TRPM8: variants seen among roughly 807,000 people sequenced by gnomAD.
TRPM8 encodes the protein transient receptor potential cation channel subfamily M member 8.
TRPM8 carries 110 observed loss-of-function variants against 133.7 expected under a neutral mutation model. The observed-to-expected ratio is 0.82, with a 90% confidence interval of 0.70 to 0.96. The LOEUF (loss-of-function observed/expected upper bound fraction) is 0.96, where lower values mean the gene tolerates loss of function less well. TRPM8 is among the 40% of genes least tolerant of loss of function. The probability of loss-of-function intolerance (pLI) is 0.00; values close to 1 mark genes in which losing one functional copy is unlikely to be tolerated. For synonymous variants in TRPM8, 535 were observed against 532.3 expected, an observed-to-expected ratio of 1.01 and a Z score of -0.07; for missense variants, 1,291 against 1,379.5, an observed-to-expected ratio of 0.94 and a Z score of 1.02.
At chr2:233,978,197 TAGTGTG>T (rs770917165) in intron 17 of TRPM8, among the ~76,000 whole-genome samples, 1 of 70,488 alleles carries the variant, frequency 1.4e-5, no homozygotes, top group Non-Finnish European at 2.9e-5. Flanking sequence ...TGGAATATTA[TAGTGTG>T]TGTGTGTGTG....
At chr2:233,985,172 C>T (rs535176104) in intron 20 of TRPM8, among the ~76,000 whole-genome samples, 18 of 152,310 alleles carry the variant, frequency 1.2e-4, no homozygotes, top group Non-Finnish European at 1.9e-4. Flanking sequence ...ACCCCCACCA[C>T]GGGGCCTTTG....
intron 5 of TRPM8, among the ~76,000 whole-genome samples, chr2:233,941,288 T>C (rs1433323863): frequency 6.6e-6 from 1 of 152,202 alleles, no homozygotes; most frequent in Non-Finnish European, 1.5e-5. Context: ...GCAAGGCAGG[T>C]GAAGTTTGGC....
chr2:233,973,431 C>G (rs532345493), intron 17 of TRPM8, among the ~76,000 whole-genome samples: 9 of 152,258 alleles, frequency 5.9e-5, no homozygotes, highest in African/African-American at 2.2e-4. Flanking sequence ...CTTGGCTTGT[C>G]GATGCATCCC....
At chr2:233,967,863 C>A (rs1177365125) in intron 15 of TRPM8, among the ~76,000 whole-genome samples, 1 of 152,062 alleles carries the variant, frequency 6.6e-6, no homozygotes, top group Non-Finnish European at 1.5e-5. Flanking sequence ...TTCCTGGGCC[C>A]CAAACCCTAT....
At position 234,019,296 on chromosome 2, in the gene TRPM8, C is replaced by T. The variant is rs1039037368; in HGVS notation, c.*2040C>T. The T allele has an allele frequency of 5.9e-5, 9 of 152,146 alleles. No individual in the cohort carries two copies. Among genetic ancestry groups the T allele is most frequent in the Admixed American group, 3.3e-4 (5 of 15,278 alleles). The allele number at this position is 152,146 out of a possible 1,614,324, so 9.4% of individuals were successfully genotyped here. A position where few individuals can be genotyped will look rare whatever the true frequency, so the allele number is the denominator to read the frequency against. On this transcript the variant is annotated 3_prime_UTR_variant, in exon 26 of 26. Transcript: ENST00000324695. Reference sequence around the variant, plus strand: ...AGAGGGAACTGTTAAATGTTTTCAACCCAGTTCATCTGGTGGATGTTTTTG... The same window carrying T: ...AGAGGGAACTGTTAAATGTTTTCAATCCAGTTCATCTGGTGGATGTTTTTG...
chr2:233,942,675 T>C lies in TRPM8; in HGVS notation c.626T>C (p.Ile209Thr). Residue 209 changes from isoleucine to threonine, a missense_variant, in exon 6 of 26, where the codon ATT becomes ACT. Physicochemically the swap from Ile to Thr is moderately conservative, Grantham distance 89. This residue lies in a region of TRPM8 where 963 missense variants were observed against 968.9 expected (regional missense o/e 0.99). Transcript: ENST00000324695. ...ATCAGCAGGAGTTCAGAGGAGAATA[T>C]TGTGGCCATTGGCATAGCAGCTTGG... ...NTISRSSEENIVAIGIAAWGM... is the reference protein window; with the variant it reads ...NTISRSSEENTVAIGIAAWGM... 1.2e-6 allele frequency: 2 copies of C among 1,614,178 alleles called. No individual in the cohort carries two copies. The highest frequency in any genetic ancestry group is 1.7e-6 in the Non-Finnish European group (2 of 1,180,024).
chr2:234,006,620 G>C (rs1278196244), intron 22 of TRPM8, among the ~76,000 whole-genome samples: 1 of 152,210 alleles, frequency 6.6e-6, no homozygotes, highest in Non-Finnish European at 1.5e-5. Context: ...TTAGAATAAA[G>C]ATTGCATTCC....
intron 5 of TRPM8, among the ~76,000 whole-genome samples, chr2:233,939,942 ACTGCTATCTAACGGTTCATACT>A (rs1299935799): frequency 6.6e-6 from 1 of 152,170 alleles, no homozygotes; most frequent in Non-Finnish European, 1.5e-5. Flanking sequence ...ATGGACCAGT[ACTGCTATCTAACGGTTCATACT>A]CGAATTTTGC....
intron 11 of TRPM8, among the ~76,000 whole-genome samples, chr2:233,957,255 G>A (rs974952304): frequency 2.6e-5 from 4 of 152,098 alleles, no homozygotes; most frequent in African/African-American, 7.2e-5. Flanking sequence ...AGAGGCCAAG[G>A]CGAGAGGATT....
At chr2:233,918,557 T>C (rs1007600489) in intron 1 of TRPM8, among the ~76,000 whole-genome samples, 1 of 152,102 alleles carries the variant, frequency 6.6e-6, no homozygotes, top group Non-Finnish European at 1.5e-5. Context: ...CTACCTCCTG[T>C]TTCTCACTTC....
Position 234,006,910 on chromosome 2 carries a change from A to G in TRPM8, c.3188A>G (p.Tyr1063Cys), listed in dbSNP as rs200883085. 10 of 1,613,902 alleles carry G rather than the reference A, an allele frequency of 6.2e-6. No homozygotes were observed. Among genetic ancestry groups the G allele is most frequent in the Non-Finnish European group, 8.5e-6 (10 of 1,179,938 alleles). The change falls in exon 23 of 26, where the codon TAC becomes TGC. Residue 1063 changes from tyrosine (Y) to cysteine (C), a missense_variant. By Grantham distance (194) the Tyr-to-Cys change is radical. Coordinates refer to ENST00000324695, the MANE Select transcript of TRPM8 (RefSeq NM_024080.5). The stretch of plus-strand genomic sequence containing the variant: ...TGGGAGGGTGTCATGAAGGAAAACT[A>G]CCTTGTCAAGATCAACACAAAAGCC... ...LAWEGVMKEN[Y>C]LVKINTKAND...
At chr2:233,971,913 C>G (rs1262292430) in intron 17 of TRPM8, among the ~76,000 whole-genome samples, 1 of 152,192 alleles carries the variant, frequency 6.6e-6, no homozygotes, top group East Asian at 1.9e-4. Context: ...CACCCACATC[C>G]TGCTGATTGG....
At chr2:233,927,765 T>C (rs865803124) in intron 2 of TRPM8, among the ~76,000 whole-genome samples, 998 of 70,612 alleles carry the variant, frequency 0.014, 14 homozygotes, top group African/African-American at 0.041. Flanking sequence ...TTTCTTTCTT[T>C]CTTTCTTTCT....
chr2:233,953,759 A>T, intron 9 of TRPM8, 158 bp from the exon 10 acceptor site: 1 of 575,402 alleles, frequency 1.7e-6, no homozygotes, highest in Non-Finnish European at 3.1e-6. Flanking sequence ...CTTTATTCTC[A>T]CTGTAGTCAA....
intron 21 of TRPM8, among the ~76,000 whole-genome samples, chr2:233,994,488 A>G (rs1244384083): frequency 3.3e-5 from 5 of 152,196 alleles, no homozygotes. Context: ...GATGTTTAAT[A>G]AACAGAAATC....
rs559059168 is a variant in TRPM8, at chr2:234,000,274, C to A, written c.3130+3758C>A. On this transcript the variant is annotated intron_variant, in intron 22 of 25. Coordinates refer to ENST00000324695, the MANE Select transcript of TRPM8 (RefSeq NM_024080.5). ...TACAGGCACCCGCCACCACACCTGG[C>A]TAATTTTTGTATTTTTAGTAGAGAT... Among the ~76,000 whole-genome samples, 918 of 152,068 alleles carry A rather than the reference C, an allele frequency of 6.0e-3. 5 individuals carry two copies. The highest frequency in any genetic ancestry group is 0.021 in the African/African-American group (878 of 41,466).
In TRPM8 at chr2:233,955,192, A is replaced by G; in HGVS notation, c.1304A>G (p.Glu435Gly). The G allele has an allele frequency of 6.2e-7, 1 of 1,614,156 alleles. No individual in the cohort carries two copies. Among genetic ancestry groups the G allele is most frequent in the Admixed American group, 1.7e-5 (1 of 60,018 alleles). ...AATGGGCAGCTGAAGCTTCTGCTGG[A>G]GTGGAACCAGCTGGACTTAGCCAAT... is the stretch of plus-strand genomic sequence containing the variant. ...NWNGQLKLLL[E>G]WNQLDLANDE... is the part of the protein sequence containing the mutation. The change falls in exon 11 of 26, where the codon GAG (glutamate) becomes GGG (glycine). Residue 435 changes from glutamate (E) to glycine (G), a missense_variant. Coordinates refer to ENST00000324695, the MANE Select transcript of TRPM8 (RefSeq NM_024080.5).
At chr2:233,950,856 C>G (rs565106022) in intron 9 of TRPM8, among the ~76,000 whole-genome samples, 2 of 152,210 alleles carry the variant, frequency 1.3e-5, no homozygotes, top group African/African-American at 4.8e-5. Context: ...AGTGCTTATA[C>G]ATTTTTGATT....
intron 21 of TRPM8, among the ~76,000 whole-genome samples, chr2:233,988,308 C>A (rs1025127213): frequency 2.6e-5 from 4 of 151,988 alleles, no homozygotes; most frequent in Non-Finnish European, 4.4e-5. Flanking sequence ...AGCCAGGAAT[C>A]ATCTTTTGCC....
Sources: gnomAD v4.1 joint callset for allele counts (sites outside exome capture counted in the v4.1 genomes callset) on GRCh38, gnomAD v4.1.1 for gene constraint, gnomAD v4.1.1 regional missense constraint, MANE v1.5 for transcripts, NCBI Gene and HGNC (gene_info 2026-07-23, HGNC 2026-07-21) for gene names.